The following SHTN1 variants were observed in gnomAD, a reference collection of about 807,000 sequenced individuals.
The protein encoded by SHTN1 is shootin-1.
In SHTN1, 42 loss-of-function variants were observed where a neutral mutation model predicts 83.1. That is an observed-to-expected ratio of 0.51 (90% confidence interval 0.39 to 0.65). The LOEUF is 0.65. Ranked by LOEUF, SHTN1 falls within the 30% of genes least tolerant of loss-of-function variation. SHTN1 has a pLI of 0.00. For synonymous variants in SHTN1, 224 were observed against 247.7 expected (o/e 0.90, Z 0.90); for missense variants, 622 against 737.8 (o/e 0.84, Z 1.82).
At chr10:116,983,703 C>G (rs577895462) in intron 1 of SHTN1, among the ~76,000 whole-genome samples, 1 of 146,792 alleles carries the variant, frequency 6.8e-6, no homozygotes. Flanking sequence ...TACATACATA[C>G]ATACATACAT....
At chr10:116,939,839 A>T (rs1849304308) in intron 9 of SHTN1, among the ~76,000 whole-genome samples, 1 of 152,146 alleles carries the variant, frequency 6.6e-6, no homozygotes, top group African/African-American at 2.4e-5. Context: ...GGTCTCTTTA[A>T]TTTGGAAGTC....
intron 1 of SHTN1, among the ~76,000 whole-genome samples, chr10:117,077,047 T>C (rs7079787): frequency 0.024 from 3,619 of 152,280 alleles, 134 homozygotes; most frequent in African/African-American, 0.079. Flanking sequence ...TATTTTTTCA[T>C]ATTAGATCTT....
intron 1 of SHTN1, among the ~76,000 whole-genome samples, chr10:117,115,791 T>C (rs1033042766): frequency 1.3e-5 from 2 of 152,230 alleles, no homozygotes; most frequent in African/African-American, 4.8e-5. Flanking sequence ...GAGCTTTTGC[T>C]ATATGCCAAG....
chr10:117,015,627 G>C lies in SHTN1; in HGVS notation c.-123+32818C>G, dbSNP rs188004812. ...ATTACAGGCGTGAGCCACCGTGCCC[G>C]GCCTGTAGTAATGTTTGAAACCACA... On this transcript the variant is annotated intron_variant, in intron 2 of 17. Coordinates refer to the SHTN1 transcript ENST00000392901. Among the ~76,000 whole-genome samples, 541 of 152,202 alleles carry C rather than the reference G, an allele frequency of 3.6e-3. 6 individuals carry two copies. The highest frequency in any genetic ancestry group is 0.012 in the African/African-American group (517 of 41,536).
chr10:117,027,777 C>G (rs1008653589), intron 2 of SHTN1, among the ~76,000 whole-genome samples: 1 of 152,172 alleles, frequency 6.6e-6, no homozygotes, highest in African/African-American at 2.4e-5. Context: ...GCATTACAGG[C>G]GTGAGCCACC....
Position 117,078,437 on chromosome 10 carries a change from G to A in SHTN1, c.-188-29927C>T, listed in dbSNP as rs190560152. Among the ~76,000 whole-genome samples the A allele has an allele frequency of 3.7e-4, 56 of 152,206 alleles. 1 individual carries two copies. Among genetic ancestry groups the A allele is most frequent in the African/African-American group, 1.2e-3 (48 of 41,520 alleles). The stretch of plus-strand genomic sequence containing the variant: ...CTAACAGCCTTTGACATTTACTCTC[G>A]CTATGATATGCCACACCTATGAGAG... On this transcript the variant is annotated intron_variant, in intron 1 of 17. Coordinates refer to the SHTN1 transcript ENST00000392901.
At chr10:116,968,865 T>A (rs573029049) in intron 2 of SHTN1, among the ~76,000 whole-genome samples, 153 bp from the exon 3 acceptor site, 73 of 152,232 alleles carry the variant, frequency 4.8e-4, no homozygotes, top group Non-Finnish European at 7.3e-4. Flanking sequence ...TATATGAACT[T>A]GCACTGCTCA....
chr10:116,984,779 T>C (rs1851166369), intron 1 of SHTN1, among the ~76,000 whole-genome samples: 1 of 152,220 alleles, frequency 6.6e-6, no homozygotes. Flanking sequence ...CAAAGCAAGC[T>C]GGTTATTTCA....
At chr10:117,018,764 G>T (rs1257932140) in intron 2 of SHTN1, among the ~76,000 whole-genome samples, 3 of 151,920 alleles carry the variant, frequency 2.0e-5, no homozygotes, top group Non-Finnish European at 4.4e-5. Flanking sequence ...GTAGAGAGGG[G>T]TTTTCACCAT....
chr10:117,039,053 C>A (rs1852545030), intron 2 of SHTN1, among the ~76,000 whole-genome samples: 1 of 152,168 alleles, frequency 6.6e-6, no homozygotes, highest in Non-Finnish European at 1.5e-5. Context: ...TATATGTATA[C>A]CAGCTTTATT....
chr10:116,984,850 A>T (rs192752226), intron 1 of SHTN1, among the ~76,000 whole-genome samples: 52 of 152,288 alleles, frequency 3.4e-4, no homozygotes, highest in African/African-American at 1.3e-3. Context: ...ACTGCCCACC[A>T]TTCAGCCTCA....
chr10:116,948,957 T>C lies in SHTN1; in HGVS notation c.575A>G (p.Glu192Gly). 6.3e-7 allele frequency: 1 copy of C among 1,576,010 alleles called. No individual in the cohort carries two copies. The change falls in exon 7 of 17, where the codon GAA becomes GGA. Residue 192 changes from glutamate (E) to glycine (G), a missense_variant. Coordinates refer to ENST00000355371, the MANE Select transcript of SHTN1 (RefSeq NM_001127211.3). ...VKQEKTVLNS[E>G]VLEQRKVLEK... is the part of the protein sequence containing the mutation. ...TAAGACTTTTCTCTGTTCAAGAACT[T>C]CTGAATTTAAAACAGTCTTTTCTTG... is the stretch of plus-strand genomic sequence containing the variant.
rs567238918 is a variant in SHTN1 at position 117,016,516 on chromosome 10, C to T, written c.-123+31929G>A. On this transcript the variant is annotated intron_variant, in intron 2 of 17. Coordinates refer to the SHTN1 transcript ENST00000392901. ...CTGCCTCCTGGCTTCAAGCGATTTT[C>T]CAGACTCAGCCTCCTAAGTAGCTGG... is the stretch of plus-strand genomic sequence containing the variant. Among the ~76,000 whole-genome samples, 4 of 152,320 alleles carry T rather than the reference C, an allele frequency of 2.6e-5. No individual in the cohort carries two copies. The East Asian group carries it at 7.7e-4, about 29-fold the overall frequency.
intron 1 of SHTN1, among the ~76,000 whole-genome samples, chr10:117,056,857 C>T (rs1271936370): frequency 6.6e-6 from 1 of 152,032 alleles, no homozygotes; most frequent in Non-Finnish European, 1.5e-5. Flanking sequence ...AACAAAAACC[C>T]TTAGCAAACT....
intron 14 of SHTN1, 26 bp downstream of exon 14, chr10:116,911,764 A>G (rs757063834): frequency 3.8e-6 from 6 of 1,599,924 alleles, no homozygotes; most frequent in Non-Finnish European, 5.1e-6. Flanking sequence ...CCATTAGCTA[A>G]ACAATAAACT....
rs1847130016 is a variant in SHTN1 at position 116,885,250 on chromosome 10, A to ATTAAAGAATT, written c.*1093_*1094insAATTCTTTAA. The ATTAAAGAATT allele has an allele frequency of 6.6e-6, 1 of 152,646 alleles. No individual in the cohort carries two copies. Among genetic ancestry groups the ATTAAAGAATT allele is most frequent in the African/African-American group, 2.4e-5 (1 of 41,458 alleles). The allele number at this position is 152,646 out of a possible 1,614,324, so 9.5% of individuals were successfully genotyped here. A position where few individuals can be genotyped will look rare whatever the true frequency, so the allele number is the denominator to read the frequency against. On this transcript the variant is annotated 3_prime_UTR_variant, in exon 17 of 17. Transcript: ENST00000355371. ...ACCTTTCACTTTCTTTAATAGTAAA[A>ATTAAAGAATT]TTACCATTACTGAATCATTGTCATA...
At chr10:116,922,547 T>G (rs1848601821) in intron 11 of SHTN1, among the ~76,000 whole-genome samples, 1 of 152,084 alleles carries the variant, frequency 6.6e-6, no homozygotes, top group African/African-American at 2.4e-5. Context: ...CCAGAACTGG[T>G]AATAACTCAA....
chr10:116,947,018 G>C (rs966955107), intron 7 of SHTN1, among the ~76,000 whole-genome samples: 18 of 152,052 alleles, frequency 1.2e-4, no homozygotes, highest in Non-Finnish European at 1.8e-4. Context: ...ACCGCGCCTG[G>C]ACATATAAGT....
intron 1 of SHTN1, among the ~76,000 whole-genome samples, chr10:117,048,980 C>T (rs913144804): frequency 6.6e-5 from 10 of 152,154 alleles, no homozygotes; most frequent in South Asian, 2.1e-4. Context: ...CCTAGCCTTT[C>T]GGAGTCTCAA....
Sources: gnomAD v4.1 joint callset for allele counts (sites outside exome capture counted in the v4.1 genomes callset) on GRCh38, gnomAD v4.1.1 for gene constraint, MANE v1.5 for transcripts, NCBI Gene and HGNC (gene_info 2026-07-23, HGNC 2026-07-21) for gene names.